The following RCBTB1 variants were observed in gnomAD, a reference collection of about 807,000 sequenced individuals.
The protein encoded by RCBTB1 is RCC1 and BTB domain containing protein 1.
RCBTB1 carries 46 observed loss-of-function variants against 62.4 expected under a neutral mutation model. The observed-to-expected ratio is 0.74, with a 90% CI of 0.58 to 0.94. The LOEUF is 0.94. Ranked by LOEUF, RCBTB1 falls within the 40% of genes least tolerant of loss-of-function variation. RCBTB1 has a pLI of 0.00. For missense variants in RCBTB1, 565 were observed against 654.9 expected (o/e 0.86, Z 1.50); for synonymous variants, 222 against 245.8 (o/e 0.90, Z 0.91).
At chr13:49,538,673 AC>A (rs1960106600) in intron 12 of RCBTB1, among the ~76,000 whole-genome samples, 2 of 151,962 alleles carry the variant, frequency 1.3e-5, no homozygotes, top group African/African-American at 4.8e-5. Context: ...CTGTGATCAC[AC>A]CACTGTGCTT....
intron 12 of RCBTB1, among the ~76,000 whole-genome samples, chr13:49,539,671 CT>C (rs1458418968): frequency 6.6e-6 from 1 of 152,058 alleles, no homozygotes; most frequent in Non-Finnish European, 1.5e-5. Context: ...AAAGAAACAG[CT>C]TTTCTAATAA....
chr13:49,573,139 A>G (rs1465103272), intron 2 of RCBTB1, among the ~76,000 whole-genome samples: 1 of 152,174 alleles, frequency 6.6e-6, no homozygotes, highest in Non-Finnish European at 1.5e-5. Context: ...AAACAAAACC[A>G]CAAAAATAAA....
At position 49,567,772 on chromosome 13, in the gene RCBTB1, G is replaced by A. The variant is rs575407181; in HGVS notation, c.-41-452C>T. Among the ~76,000 whole-genome samples the A allele has an allele frequency of 3.9e-5, 6 of 152,336 alleles. No homozygotes were observed. In the East Asian group the frequency reaches 1.2e-3, roughly 29 times the overall value. On this transcript the variant is annotated intron_variant, in intron 2 of 12. Transcript: ENST00000378302. ...CACCAGCACCAACTTGGATGACAAG[G>A]ATCAGCTTCAGCCCCAGGTATCATA...
At chr13:49,537,890 A>G (rs1251417534) in intron 12 of RCBTB1, 1 of 152,206 alleles carries the variant, frequency 6.6e-6, no homozygotes, top group Non-Finnish European at 1.5e-5. Context: ...CCCTGTAACT[A>G]CTGAGTCCAT....
intron 2 of RCBTB1, among the ~76,000 whole-genome samples, chr13:49,569,757 A>G (rs1315493629): frequency 1.3e-5 from 2 of 151,232 alleles, no homozygotes; most frequent in African/African-American, 4.9e-5. Context: ...AAGAAAAATT[A>G]TTAGCCAGGC....
In RCBTB1 at chr13:49,532,965, C is replaced by CAGT. The variant is rs1959670506; in HGVS notation, c.*1156_*1157insACT. 6.6e-6 allele frequency: 1 copy of CAGT among 152,182 alleles called. No individual in the cohort carries two copies. Among genetic ancestry groups the CAGT allele is most frequent in the South Asian group, 2.1e-4 (1 of 4,832 alleles). 9.4% of individuals were successfully genotyped at this position (152,182 alleles called of 1,614,324 possible). On this transcript the variant is annotated 3_prime_UTR_variant, in exon 13 of 13. Transcript: ENST00000378302. ...ACCTTCCATAACCAGTTCAAATAAA[C>CAGT]TACTGTCTTTTAATAGGATCTTTTC...
At chr13:49,549,960 C>A in intron 8 of RCBTB1, 1 of 932,892 alleles carries the variant, frequency 1.1e-6, no homozygotes, top group Non-Finnish European at 1.3e-6. Context: ...AGAAAATGCC[C>A]TAACAAATGT....
chr13:49,579,699 C>T (rs1167782757), intron 2 of RCBTB1, among the ~76,000 whole-genome samples: 1 of 151,948 alleles, frequency 6.6e-6, no homozygotes, highest in Non-Finnish European at 1.5e-5. Context: ...AGAATGTAGC[C>T]TTCTCCCAAA....
At chr13:49,564,583 CAAAAAAAAAA>C (rs10710755) in intron 4 of RCBTB1, among the ~76,000 whole-genome samples, 4 of 39,320 alleles carry the variant, frequency 1.0e-4, no homozygotes, top group East Asian at 1.7e-3. Context: ...GACTCCTTCT[CAAAAAAAAAA>C]AAAAAAAAAA....
intron 4 of RCBTB1, among the ~76,000 whole-genome samples, chr13:49,563,264 A>G (rs977655422): frequency 7.0e-6 from 1 of 142,998 alleles, no homozygotes; most frequent in Non-Finnish European, 1.5e-5. Flanking sequence ...AGGTGGGAAG[A>G]TCGCTTGAGC....
intron 4 of RCBTB1, among the ~76,000 whole-genome samples, chr13:49,565,996 C>CA (rs1962965845): frequency 1.3e-5 from 2 of 150,950 alleles, no homozygotes; most frequent in Non-Finnish European, 2.9e-5. Flanking sequence ...CGTGCTGTGT[C>CA]CACTCAGGGT....
chr13:49,544,765 G>C lies in RCBTB1; in HGVS notation c.1144C>G (p.His382Asp). ...LKFRIDGKYIHVHKAVLKIRC... is the reference protein window; with the variant it reads ...LKFRIDGKYIDVHKAVLKIRC... ...ATTTTCAAAACAGCTTTATGGACAT[G>C]AATATATTTTCCATCAATTCGAAAC... Residue 382 changes from histidine to aspartate, a missense_variant, in exon 10 of 13, where the codon CAT becomes GAT. By Grantham distance (81) the His-to-Asp change is moderately conservative (BLOSUM62 -1). Transcript: ENST00000378302. 1.9e-6 allele frequency: 3 copies of C among 1,611,824 alleles called. No homozygotes were observed. Among genetic ancestry groups the C allele is most frequent in the Non-Finnish European group, 2.5e-6 (3 of 1,178,736 alleles).
At chr13:49,559,838 T>C in intron 5 of RCBTB1, 80 bp downstream of exon 5, 1 of 1,340,960 alleles carries the variant, frequency 7.5e-7, no homozygotes, top group Non-Finnish European at 1.0e-6. Flanking sequence ...TTAAAACTGG[T>C]GAAGCTGGTA....
intron 9 of RCBTB1, among the ~76,000 whole-genome samples, chr13:49,548,766 A>G (rs1961045586): frequency 6.6e-6 from 1 of 151,812 alleles, no homozygotes. Flanking sequence ...AGAAACAAAA[A>G]GCAAACTAGT....
At chr13:49,546,322 A>G (rs1960783984) in intron 9 of RCBTB1, 1 of 985,172 alleles carries the variant, frequency 1.0e-6, no homozygotes, top group African/African-American at 1.7e-5. Flanking sequence ...ATGAGATCAC[A>G]AAGTGAGAGG....
In RCBTB1 at chr13:49,566,637, A is replaced by G; in HGVS notation, c.258T>C (p.His86=). ...IKSLSYGSGP[H]VLLSTEDGVV... ...CCTTACCTTCGGTGCTGAGAAGAAC[A>G]TGTGGTCCACTCCCGTAACTGAGGC... The change falls in exon 4 of 13, where the codon CAT becomes CAC. Residue 86 remains histidine, a synonymous_variant. Coordinates refer to ENST00000378302, the MANE Select transcript of RCBTB1 (RefSeq NM_018191.4). 6.2e-7 allele frequency: 1 copy of G among 1,613,626 alleles called. No individual in the cohort carries two copies. The highest frequency in any genetic ancestry group is 1.3e-5 in the African/African-American group (1 of 75,016).
At chr13:49,538,795 T>TA (rs2139122305) in intron 12 of RCBTB1, among the ~76,000 whole-genome samples, 1 of 151,624 alleles carries the variant, frequency 6.6e-6, no homozygotes, top group South Asian at 2.1e-4. Flanking sequence ...GCCCTAGAAA[T>TA]AAAGAGGTGA....
chr13:49,585,280 C>A (rs1406181137), intron 1 of RCBTB1, among the ~76,000 whole-genome samples, 164 bp downstream of exon 1: 1 of 152,154 alleles, frequency 6.6e-6, no homozygotes, highest in Non-Finnish European at 1.5e-5. Context: ...CCATCCCTCG[C>A]CCCGGACGCA....
chr13:49,548,794 G>A (rs1490619679), intron 9 of RCBTB1, among the ~76,000 whole-genome samples: 1 of 151,056 alleles, frequency 6.6e-6, no homozygotes, highest in African/African-American at 2.5e-5. Context: ...AGGGGTTGGG[G>A]GGAGAGGAGA....
Sources: gnomAD v4.1 joint callset for allele counts (sites outside exome capture counted in the v4.1 genomes callset) on GRCh38, gnomAD v4.1.1 for gene constraint, MANE v1.5 for transcripts, NCBI Gene and HGNC (gene_info 2026-07-23, HGNC 2026-07-21) for gene names.